CALN1: variants seen among roughly 807,000 people sequenced by gnomAD.
The protein encoded by CALN1 is calcium-binding protein 8.
Under a neutral mutation model 30.6 loss-of-function variants are expected in CALN1, and 17 were observed. That is an observed-to-expected ratio of 0.56 (90% CI 0.38 to 0.83). The LOEUF is 0.83. Ranked by LOEUF, CALN1 falls within the 40% of genes least tolerant of loss-of-function variation. The pLI is 0.00. For missense variants in CALN1, 291 were observed against 354.9 expected (o/e 0.82, Z 1.45); for synonymous variants, 156 against 131.4 (o/e 1.19, Z -1.28).
intron 3 of CALN1, among the ~76,000 whole-genome samples, chr7:72,177,728 T>C (rs989938133): frequency 6.2e-5 from 9 of 144,132 alleles, no homozygotes; most frequent in African/African-American, 2.1e-4. Context: ...TTGCACCACT[T>C]CACTCCAGCC....
chr7:72,028,128 G>A (rs1346660088), intron 4 of CALN1, among the ~76,000 whole-genome samples: 1 of 148,710 alleles, frequency 6.7e-6, no homozygotes, highest in Non-Finnish European at 1.5e-5. Context: ...GGCTGCTCCT[G>A]ACCGTGATAT....
At chr7:71,856,870 G>GC (rs1425386863) in intron 5 of CALN1, among the ~76,000 whole-genome samples, 2 of 152,072 alleles carry the variant, frequency 1.3e-5, no homozygotes, top group East Asian at 3.9e-4. Context: ...TGGAAGGGTC[G>GC]CTTCAACCTG....
chr7:72,157,847 G>A (rs1173759338), intron 3 of CALN1, among the ~76,000 whole-genome samples: 4 of 152,246 alleles, frequency 2.6e-5, no homozygotes, highest in Admixed American at 6.5e-5. Context: ...CCATTCAAGC[G>A]ATTCTCTTGC....
intron 2 of CALN1, among the ~76,000 whole-genome samples, chr7:72,372,556 T>C (rs1033228818): frequency 6.6e-6 from 1 of 152,232 alleles, no homozygotes; most frequent in Non-Finnish European, 1.5e-5. Context: ...TTCATGAGTA[T>C]ATTGATTCAA....
intron 5 of CALN1, among the ~76,000 whole-genome samples, 186 bp downstream of exon 5, chr7:72,023,471 T>C (rs748916816): frequency 2.0e-5 from 3 of 151,952 alleles, no homozygotes; most frequent in Non-Finnish European, 4.4e-5. Flanking sequence ...AAGAAAAAAA[T>C]GGGGAGATAT....
chr7:72,352,195 C>CT (rs1317702735), intron 2 of CALN1, among the ~76,000 whole-genome samples: 1 of 150,616 alleles, frequency 6.6e-6, no homozygotes, highest in Non-Finnish European at 1.5e-5. Context: ...AAAAAAACCA[C>CT]TTTGAGATTT....
At chr7:71,956,094 TCTC>T (rs772505231) in intron 5 of CALN1, among the ~76,000 whole-genome samples, 60 of 152,004 alleles carry the variant, frequency 3.9e-4, no homozygotes, top group Admixed American at 2.8e-3. Flanking sequence ...TTCAAGCAAT[TCTC>T]CTGCCTCAGC....
At chr7:72,369,472 C>T (rs1007067428) in intron 2 of CALN1, among the ~76,000 whole-genome samples, 1 of 151,926 alleles carries the variant, frequency 6.6e-6, no homozygotes, top group South Asian at 2.1e-4. Context: ...AGCAATTCTC[C>T]TGCCTCAGCC....
intron 2 of CALN1, among the ~76,000 whole-genome samples, chr7:72,308,399 GA>G (rs398005182): frequency 7.0e-6 from 1 of 142,928 alleles, no homozygotes; most frequent in Non-Finnish European, 1.5e-5. Flanking sequence ...GAGAGAGAGA[GA>G]GAGAGGAAAG....
At chr7:72,302,921 A>G (rs975538476) in intron 2 of CALN1, among the ~76,000 whole-genome samples, 12 of 145,614 alleles carry the variant, frequency 8.2e-5, no homozygotes, top group African/African-American at 2.8e-4. Context: ...AAAAAAACGA[A>G]AAGAATCCGG....
intron 2 of CALN1, among the ~76,000 whole-genome samples, chr7:72,329,819 T>A (rs1410467523): frequency 6.6e-6 from 1 of 151,630 alleles, no homozygotes; most frequent in Non-Finnish European, 1.5e-5. Context: ...CTGGGCGTGG[T>A]GCCACGCACC....
chr7:72,145,940 C>G (rs1490450141), intron 3 of CALN1, among the ~76,000 whole-genome samples: 5 of 152,208 alleles, frequency 3.3e-5, no homozygotes, highest in Non-Finnish European at 7.3e-5. Context: ...GCTAAAAACT[C>G]TCAATAAATT....
rs77681026 is a variant in CALN1 at position 72,080,712 on chromosome 7, A to G, written c.388+25439T>C. ...GGTTTCCACACAGACTCCAGGCAGG[A>G]AGGCACCACGCACCCTGTATGCTCT... On this transcript the variant is annotated intron_variant, in intron 4 of 6. Transcript: ENST00000395275. 3.0e-3 allele frequency among the ~76,000 whole-genome samples: 464 copies of G among 152,240 alleles called. 5 individuals carry two copies. Among genetic ancestry groups the G allele is most frequent in the African/African-American group, 0.011 (451 of 41,540 alleles).
chr7:71,845,313 AT>A (rs1790166658), intron 5 of CALN1, among the ~76,000 whole-genome samples: 1 of 152,188 alleles, frequency 6.6e-6, no homozygotes, highest in African/African-American at 2.4e-5. Context: ...CATCTTTCCA[AT>A]TTGGCAAACA....
At chr7:71,811,676 C>CTT (rs59136685) in intron 5 of CALN1, among the ~76,000 whole-genome samples, 21 of 139,898 alleles carry the variant, frequency 1.5e-4, no homozygotes, top group African/African-American at 4.9e-4. Flanking sequence ...TTTCTTTTTT[C>CTT]TTTTTTTTTT....
intron 3 of CALN1, among the ~76,000 whole-genome samples, chr7:72,157,307 G>C (rs1787768386): frequency 6.6e-6 from 1 of 152,158 alleles, no homozygotes; most frequent in Non-Finnish European, 1.5e-5. Flanking sequence ...TAGGAAGATA[G>C]ACAAGTACCT....
intron 5 of CALN1, among the ~76,000 whole-genome samples, chr7:72,010,406 C>T (rs975430960): frequency 5.9e-5 from 9 of 152,168 alleles, no homozygotes; most frequent in Admixed American, 1.3e-4. Flanking sequence ...TTACTGCAGC[C>T]GAAACCACCT....
At chr7:72,373,523 C>G (rs573692776) in intron 2 of CALN1, among the ~76,000 whole-genome samples, 2 of 152,104 alleles carry the variant, frequency 1.3e-5, no homozygotes, top group African/African-American at 4.8e-5. Flanking sequence ...ATTCAATAAA[C>G]TACATGAGAT....
chr7:72,483,160 A>G, the CALN1 span, among the ~76,000 whole-genome samples: 1 of 148,024 alleles, frequency 6.8e-6, no homozygotes, highest in South Asian at 2.1e-4. Flanking sequence ...TTTTTTAATC[A>G]CTGGTTTTGA....
Sources: gnomAD v4.1 joint callset for allele counts (sites outside exome capture counted in the v4.1 genomes callset) on GRCh38, gnomAD v4.1.1 for gene constraint, MANE v1.5 for transcripts, NCBI Gene and HGNC (gene_info 2026-07-23, HGNC 2026-07-21) for gene names.